Variants in KCNIP1 observed in about 807,000 individuals in gnomAD.
The protein encoded by KCNIP1 is A-type potassium channel modulatory protein KCNIP1.
KCNIP1 carries 18 observed loss-of-function variants against 33.0 expected under a neutral mutation model. That is an observed-to-expected ratio of 0.55 (90% CI 0.38 to 0.81). The LOEUF (loss-of-function observed/expected upper bound fraction) is 0.81. Among genes scored for constraint, KCNIP1 ranks in the 30% least tolerant of loss-of-function variants. The probability of loss-of-function intolerance (pLI) is 0.00; values close to 1 mark genes in which losing one functional copy is unlikely to be tolerated. For missense variants in KCNIP1, 238 were observed against 271.6 expected, an observed-to-expected ratio of 0.88 and a Z score of 0.87; for synonymous variants, 93 against 98.3, an observed-to-expected ratio of 0.95 and a Z score of 0.32.
intron 1 of KCNIP1, among the ~76,000 whole-genome samples, chr5:170,506,533 A>G (rs765104794): frequency 1.3e-5 from 2 of 152,148 alleles, no homozygotes; most frequent in Non-Finnish European, 2.9e-5. Flanking sequence ...TCCTGCCCCA[A>G]ACATCCAGGA....
chr5:170,603,908 TC>T (rs1377573683), intron 1 of KCNIP1, among the ~76,000 whole-genome samples: 1 of 152,188 alleles, frequency 6.6e-6, no homozygotes, highest in Non-Finnish European at 1.5e-5. Context: ...AAAACCACTG[TC>T]TTCACTGTTA....
Position 170,712,728 on chromosome 5 carries a change from G to A in KCNIP1, c.62-6030G>A, listed in dbSNP as rs151140007. The A allele has an allele frequency of 9.5e-5, 82 of 863,604 alleles. No individual in the cohort carries two copies. The East Asian group carries it at 1.6e-3, about 17-fold the overall frequency. 53.5% of individuals were successfully genotyped at this position (863,604 alleles called of 1,614,324 possible). ...TCAGCTCCAGCTCTGCTACTGAGAGGCTCTTCGCATATGTCAAGCTGGACG... is the reference window on the plus strand; with the variant it reads ...TCAGCTCCAGCTCTGCTACTGAGAGACTCTTCGCATATGTCAAGCTGGACG... On this transcript the variant is annotated intron_variant, in intron 1 of 7. Coordinates refer to ENST00000328939, the MANE Select transcript of KCNIP1 (RefSeq NM_014592.4).
chr5:170,685,287 A>G (rs1358982558), intron 1 of KCNIP1, among the ~76,000 whole-genome samples: 3 of 151,504 alleles, frequency 2.0e-5, no homozygotes, highest in Non-Finnish European at 4.4e-5. Context: ...AACCCAGGCC[A>G]ACCACCCTTC....
At chr5:170,612,175 C>T (rs1759187772) in intron 1 of KCNIP1, among the ~76,000 whole-genome samples, 1 of 152,200 alleles carries the variant, frequency 6.6e-6, no homozygotes, top group African/African-American at 2.4e-5. Context: ...CCAATGACAA[C>T]ATTGAAGGCT....
intron 1 of KCNIP1, among the ~76,000 whole-genome samples, chr5:170,387,904 G>A (rs1197330395): frequency 2.0e-5 from 3 of 152,230 alleles, no homozygotes; most frequent in African/African-American, 4.8e-5. Context: ...TGAAGCCAAT[G>A]GGAAATCCCA....
intron 1 of KCNIP1, among the ~76,000 whole-genome samples, chr5:170,413,815 A>C (rs1230343724): frequency 6.6e-6 from 1 of 152,008 alleles, no homozygotes; most frequent in African/African-American, 2.4e-5. Flanking sequence ...CCCACTCAGA[A>C]GCCACTCACT....
rs142457338 is a variant in KCNIP1, at chr5:170,563,038, C to G, written c.61+58405C>G. On this transcript the variant is annotated intron_variant, in intron 1 of 7. Transcript: ENST00000328939. The stretch of plus-strand genomic sequence containing the variant: ...TCCTCACCTCCACCCACACACAGAT[C>G]TAGTTCCCCTCGTACGCTGCCCTTT... 1.4e-4 allele frequency among the ~76,000 whole-genome samples: 22 copies of G among 152,342 alleles called. No homozygotes were observed. In the East Asian group the frequency reaches 4.2e-3, roughly 29 times the overall value.
At chr5:170,612,820 C>G (rs1057376844) in intron 1 of KCNIP1, among the ~76,000 whole-genome samples, 3 of 152,112 alleles carry the variant, frequency 2.0e-5, no homozygotes, top group African/African-American at 7.2e-5. Flanking sequence ...CTGCCCTTCC[C>G]CCAAGTGGGG....
intron 1 of KCNIP1, among the ~76,000 whole-genome samples, chr5:170,623,553 G>A (rs1759695512): frequency 6.6e-6 from 1 of 152,090 alleles, no homozygotes; most frequent in African/African-American, 2.4e-5. Context: ...GTGATACTTT[G>A]TTATGGTGAC....
rs1166066641 is a variant in KCNIP1, at chr5:170,590,066, T to C, written c.61+85433T>C. ...TAATGTATAGGAAGTATGAGCAGAGTGCCTGGCCTGGAGCATAGCGCATGG... is the reference window on the plus strand; with the variant it reads ...TAATGTATAGGAAGTATGAGCAGAGCGCCTGGCCTGGAGCATAGCGCATGG... On this transcript the variant is annotated intron_variant, in intron 1 of 7. Coordinates refer to ENST00000328939, the MANE Select transcript of KCNIP1 (RefSeq NM_014592.4). Among the ~76,000 whole-genome samples the C allele has an allele frequency of 3.3e-5, 5 of 151,992 alleles. No homozygotes were observed. The East Asian group carries it at 9.7e-4, about 30-fold the overall frequency.
intron 1 of KCNIP1, among the ~76,000 whole-genome samples, chr5:170,493,876 T>C (rs554767758): frequency 5.9e-5 from 9 of 152,294 alleles, no homozygotes; most frequent in African/African-American, 2.2e-4. Flanking sequence ...CTCCACTCTC[T>C]CTCCACGGAA....
At chr5:170,631,194 G>A (rs1386073138) in intron 1 of KCNIP1, among the ~76,000 whole-genome samples, 2 of 152,194 alleles carry the variant, frequency 1.3e-5, no homozygotes, top group African/African-American at 2.4e-5. Flanking sequence ...TGTAGGGGCT[G>A]TTGTCCTAAC....
intron 1 of KCNIP1, among the ~76,000 whole-genome samples, chr5:170,460,790 T>G (rs1195821792): frequency 2.0e-5 from 3 of 152,114 alleles, no homozygotes; most frequent in Non-Finnish European, 4.4e-5. Flanking sequence ...AACCTAGTAA[T>G]GGAAGTCCTA....
At chr5:170,384,039 A>C (rs1304174249) in intron 1 of KCNIP1, among the ~76,000 whole-genome samples, 3 of 152,328 alleles carry the variant, frequency 2.0e-5, no homozygotes, top group Middle Eastern at 3.4e-3. Context: ...GAATTGTAGA[A>C]GCTGGATGGG....
At chr5:170,486,284 A>T (rs1376581562) in intron 1 of KCNIP1, 1 of 152,230 alleles carries the variant, frequency 6.6e-6, no homozygotes, top group East Asian at 1.9e-4. Context: ...GTTTTCATTC[A>T]TTAGCAGGTC....
intron 1 of KCNIP1, among the ~76,000 whole-genome samples, chr5:170,446,997 T>C (rs1441160102): frequency 1.3e-5 from 2 of 152,260 alleles, no homozygotes; most frequent in Admixed American, 1.3e-4. Context: ...ATTTTCATTC[T>C]TCAGATATCT....
chr5:170,645,094 G>A (rs1170932694), intron 1 of KCNIP1, among the ~76,000 whole-genome samples: 1 of 131,332 alleles, frequency 7.6e-6, no homozygotes, highest in Non-Finnish European at 1.7e-5. Flanking sequence ...TTCCCAAAGT[G>A]TGTGCTTCTC....
intron 5 of KCNIP1, among the ~76,000 whole-genome samples, chr5:170,725,149 T>C (rs775054688): frequency 5.9e-5 from 9 of 152,170 alleles, no homozygotes; most frequent in Non-Finnish European, 1.2e-4. Flanking sequence ...AGAGCTACCA[T>C]ATGATCCAAC....
At chr5:170,512,477 C>T (rs1196938822) in intron 1 of KCNIP1, among the ~76,000 whole-genome samples, 2 of 152,216 alleles carry the variant, frequency 1.3e-5, no homozygotes, top group Non-Finnish European at 2.9e-5. Context: ...TTAGGCAGAC[C>T]TAGAATTCAA....
Sources: gnomAD v4.1 joint callset for allele counts (sites outside exome capture counted in the v4.1 genomes callset) on GRCh38, gnomAD v4.1.1 for gene constraint, MANE v1.5 for transcripts, NCBI Gene and HGNC (gene_info 2026-07-23, HGNC 2026-07-21) for gene names.